FBXW7: variants seen among roughly 807,000 people sequenced by gnomAD.
FBXW7 encodes F-box/WD repeat-containing protein 7.
Under a neutral mutation model 86.3 loss-of-function variants are expected in FBXW7, and 11 were observed. The observed-to-expected ratio is 0.13, with a 90% confidence interval of 0.08 to 0.21. FBXW7 has a LOEUF of 0.21. FBXW7 is among the 10% of genes least tolerant of loss of function. The probability of loss-of-function intolerance (pLI) is 1.00; values close to 1 mark genes in which losing one functional copy is unlikely to be tolerated. For missense variants in FBXW7, 488 were observed against 847.4 expected (o/e 0.58, Z 5.27); for synonymous variants, 313 against 297.9 (o/e 1.05, Z -0.52).
chr4:152,503,646 TAA>T (rs59515223), intron 2 of FBXW7, among the ~76,000 whole-genome samples: 20 of 142,280 alleles, frequency 1.4e-4, no homozygotes, highest in Non-Finnish European at 2.2e-4. Context: ...TATGTAGCTG[TAA>T]AAAAAAAAAA....
chr4:152,470,705 GAATAAAAAGCACTAAAT>G (rs1743873500), intron 2 of FBXW7, among the ~76,000 whole-genome samples: 1 of 151,940 alleles, frequency 6.6e-6, no homozygotes, highest in African/African-American at 2.4e-5. Context: ...CAAAAATCTA[GAATAAAAAGCACTAAAT>G]AATATTTATG....
At chr4:152,512,627 A>G (rs995621351) in intron 2 of FBXW7, among the ~76,000 whole-genome samples, 1 of 152,228 alleles carries the variant, frequency 6.6e-6, no homozygotes, top group South Asian at 2.1e-4. Flanking sequence ...ACGTGAAAGA[A>G]GCCAAACACA....
chr4:152,398,388 T>C (rs1444897000), intron 4 of FBXW7, among the ~76,000 whole-genome samples: 1 of 151,962 alleles, frequency 6.6e-6, no homozygotes, highest in African/African-American at 2.4e-5. Flanking sequence ...CATACTAATA[T>C]ATGATTTTTA....
chr4:152,339,338 C>T (rs548672771), intron 6 of FBXW7, among the ~76,000 whole-genome samples: 10 of 152,236 alleles, frequency 6.6e-5, no homozygotes, highest in South Asian at 4.2e-4. Flanking sequence ...TATGTACACA[C>T]GTGACCAATT....
intron 2 of FBXW7, among the ~76,000 whole-genome samples, chr4:152,463,614 A>G (rs997538529): frequency 1.3e-5 from 2 of 152,224 alleles, no homozygotes; most frequent in African/African-American, 4.8e-5. Context: ...TTCAAAAAGC[A>G]TTTACTTAGT....
intron 2 of FBXW7, among the ~76,000 whole-genome samples, chr4:152,523,007 AAAAACT>A (rs1487825024): frequency 6.6e-6 from 1 of 152,240 alleles, no homozygotes; most frequent in African/African-American, 2.4e-5. Flanking sequence ...ATCTAGCACT[AAAAACT>A]AAAACTACCA....
At chr4:152,395,908 C>T (rs1736383637) in intron 4 of FBXW7, among the ~76,000 whole-genome samples, 1 of 151,980 alleles carries the variant, frequency 6.6e-6, no homozygotes, top group African/African-American at 2.4e-5. Flanking sequence ...AAAATCTGGA[C>T]ACCAATATAT....
At chr4:152,427,611 G>A (rs1198428813) in intron 2 of FBXW7, among the ~76,000 whole-genome samples, 1 of 152,136 alleles carries the variant, frequency 6.6e-6, no homozygotes, top group Non-Finnish European at 1.5e-5. Context: ...TCCAGATGAA[G>A]AGTCTTTGTA....
At chr4:152,380,818 T>C (rs1290761272) in intron 4 of FBXW7, among the ~76,000 whole-genome samples, 2 of 152,046 alleles carry the variant, frequency 1.3e-5, no homozygotes, top group South Asian at 2.1e-4. Context: ...CTTCTTTTTC[T>C]CAATTTTTAA....
chr4:152,323,938 TTAAG>T (rs1167595273), intron 13 of FBXW7: 1 of 438,790 alleles, frequency 2.3e-6, no homozygotes, highest in Non-Finnish European at 4.1e-6. Context: ...TTCTTAAAGG[TTAAG>T]TAGAGTCAAT....
At chr4:152,442,799 G>A (rs149249155) in intron 2 of FBXW7, among the ~76,000 whole-genome samples, 1 of 152,166 alleles carries the variant, frequency 6.6e-6, no homozygotes, top group East Asian at 1.9e-4. Flanking sequence ...GACAGTATCA[G>A]GGATAAGAAC....
intron 2 of FBXW7, among the ~76,000 whole-genome samples, chr4:152,509,456 T>C (rs1454372299): frequency 1.3e-5 from 2 of 152,202 alleles, no homozygotes; most frequent in South Asian, 4.1e-4. Flanking sequence ...AATTAATGTA[T>C]GTATCTGTGA....
chr4:152,514,500 A>G (rs750318388), intron 2 of FBXW7, among the ~76,000 whole-genome samples: 8 of 152,184 alleles, frequency 5.3e-5, no homozygotes, highest in Non-Finnish European at 1.0e-4. Context: ...TGACACCTCC[A>G]AATCTCAGGT....
intron 2 of FBXW7, among the ~76,000 whole-genome samples, chr4:152,457,129 A>G (rs1268535675): frequency 3.5e-4 from 53 of 152,228 alleles, no homozygotes; most frequent in Admixed American, 3.4e-3. Flanking sequence ...GTCAGACAAA[A>G]GAGGAGACAC....
At chr4:152,462,013 T>C (rs77922707) in intron 2 of FBXW7, among the ~76,000 whole-genome samples, 2,082 of 152,334 alleles carry the variant, frequency 0.014, 25 homozygotes, top group Middle Eastern at 0.037. Context: ...CTATCAATAA[T>C]GTTAAGTGAG....
At chr4:152,350,698 A>C (rs990072715) in intron 4 of FBXW7, among the ~76,000 whole-genome samples, 2 of 151,862 alleles carry the variant, frequency 1.3e-5, no homozygotes, top group African/African-American at 4.8e-5. Flanking sequence ...TTTAAAAAGT[A>C]AATCAATAAT....
rs1381730476 is a variant in FBXW7 at position 152,535,761 on chromosome 4, C to G, written c.-847G>C. 1 of 394,528 alleles carries G rather than the reference C, an allele frequency of 2.5e-6. No homozygotes were observed. Among genetic ancestry groups the G allele is most frequent in the South Asian group, 1.2e-4 (1 of 8,330 alleles). The allele number at this position is 394,528 out of a possible 1,614,324, so 24.4% of individuals were successfully genotyped here. A position where few individuals can be genotyped will look rare whatever the true frequency, so the allele number is the denominator to read the frequency against. On this transcript the variant is annotated 5_prime_UTR_variant, in exon 1 of 14. Coordinates refer to ENST00000281708, the MANE Select transcript of FBXW7 (RefSeq NM_001349798.2). ...CGTTCTCTCACCGCGGAGCAGCTAC[C>G]CACTCCCGGCCCGTGGTAGCCGCCT...
chr4:152,408,278 G>A (rs1419062922), intron 4 of FBXW7, among the ~76,000 whole-genome samples: 2 of 152,134 alleles, frequency 1.3e-5, no homozygotes, highest in Admixed American at 6.5e-5. Context: ...AAAATTAGTT[G>A]ATATTCTGCA....
rs562439754 is a variant in FBXW7 at position 152,434,937 on chromosome 4, C to T, written c.-119-22408G>A. ...TCAGGGGTTCCTAATTCTCTGTTCC[C>T]CCAACCTCCTTTCCCCCCGCTCCCC... On this transcript the variant is annotated intron_variant, in intron 2 of 13. Coordinates refer to ENST00000281708, the MANE Select transcript of FBXW7 (RefSeq NM_001349798.2). 5.9e-5 allele frequency among the ~76,000 whole-genome samples: 8 copies of T among 136,670 alleles called. No homozygotes were observed. In the South Asian group the frequency reaches 7.0e-4, roughly 12 times the overall value. 89.7% of individuals were successfully genotyped at this position (136,670 alleles called of 152,430 possible). A position where few individuals can be genotyped will look rare whatever the true frequency, so the allele number is the denominator to read the frequency against.
Sources: allele counts gnomAD v4.1 joint callset (sites outside exome capture counted in the v4.1 genomes callset), GRCh38; gene constraint gnomAD v4.1.1; transcripts MANE v1.5; gene names NCBI Gene and HGNC (gene_info 2026-07-23, HGNC 2026-07-21).